B3GALT1: variants seen among roughly 807,000 people sequenced by gnomAD.
The protein encoded by B3GALT1 is beta-1,3-galactosyltransferase 1.
Under a neutral mutation model 23.2 loss-of-function variants are expected in B3GALT1, and 10 were observed. The observed-to-expected ratio is 0.43, with a 90% CI of 0.27 to 0.73. The LOEUF is 0.73. Among genes scored for constraint, B3GALT1 ranks in the 30% least tolerant of loss-of-function variants. The pLI is 0.21. For missense variants in B3GALT1, 299 were observed against 405.4 expected (o/e 0.74, Z 2.25); for synonymous variants, 156 against 141.5 (o/e 1.10, Z -0.73).
chr2:167,825,283 CAAAAAAAA>C (rs71963760), intron 4 of B3GALT1, among the ~76,000 whole-genome samples: 1 of 82,240 alleles, frequency 1.2e-5, no homozygotes, highest in Admixed American at 1.3e-4. Flanking sequence ...GACTCCGTCT[CAAAAAAAA>C]AAAAAAAACA....
intron 1 of B3GALT1, among the ~76,000 whole-genome samples, chr2:167,443,680 G>T (rs1008256556): frequency 2.0e-5 from 3 of 152,136 alleles, no homozygotes; most frequent in Non-Finnish European, 4.4e-5. Flanking sequence ...TCTGTTATGG[G>T]TATATAGGAA....
intron 3 of B3GALT1, among the ~76,000 whole-genome samples, chr2:167,669,030 C>T (rs937205072): frequency 2.6e-5 from 4 of 152,076 alleles, no homozygotes; most frequent in African/African-American, 9.7e-5. Flanking sequence ...GTTGCTGTCC[C>T]CCTCCCTCCC....
At chr2:167,512,588 A>ATGTGTG (rs1306665849) in intron 2 of B3GALT1, among the ~76,000 whole-genome samples, 2 of 90,394 alleles carry the variant, frequency 2.2e-5, no homozygotes, top group Non-Finnish European at 4.2e-5. Flanking sequence ...ATGTATATAT[A>ATGTGTG]TATGTGTATA....
At chr2:167,680,149 A>G (rs1403138362) in intron 3 of B3GALT1, among the ~76,000 whole-genome samples, 3 of 152,206 alleles carry the variant, frequency 2.0e-5, no homozygotes, top group Non-Finnish European at 4.4e-5. Flanking sequence ...CTTCTGATGT[A>G]GGATTAGTTC....
intron 2 of B3GALT1, among the ~76,000 whole-genome samples, chr2:167,542,051 CT>C (rs1683541630): frequency 6.6e-6 from 1 of 152,120 alleles, no homozygotes; most frequent in Admixed American, 6.5e-5. Context: ...CCTTCTGAAC[CT>C]ATTTATTTAT....
intron 1 of B3GALT1, among the ~76,000 whole-genome samples, chr2:167,346,016 T>C (rs1169329704): frequency 1.3e-5 from 2 of 151,026 alleles, no homozygotes; most frequent in Non-Finnish European, 2.9e-5. Context: ...TCATCTTATC[T>C]AGATACTTAT....
chr2:167,824,042 C>T (rs1689162975), intron 4 of B3GALT1, among the ~76,000 whole-genome samples: 1 of 152,308 alleles, frequency 6.6e-6, no homozygotes, highest in East Asian at 1.9e-4. Context: ...ACAGTTTCCT[C>T]TGGAAATGAC....
chr2:167,370,692 C>T (rs924789929), intron 1 of B3GALT1, among the ~76,000 whole-genome samples: 1 of 152,102 alleles, frequency 6.6e-6, no homozygotes, highest in South Asian at 2.1e-4. Flanking sequence ...ATTAGTAGGC[C>T]GAGGTGGGTG....
At chr2:167,383,795 G>T (rs948919491) in intron 1 of B3GALT1, among the ~76,000 whole-genome samples, 4 of 152,140 alleles carry the variant, frequency 2.6e-5, no homozygotes, top group African/African-American at 9.7e-5. Context: ...CCTCACAGCC[G>T]TTTGCAATAT....
chr2:167,512,624 G>GTATATA (rs202089193), intron 2 of B3GALT1, among the ~76,000 whole-genome samples: 2 of 49,666 alleles, frequency 4.0e-5, no homozygotes, highest in Non-Finnish European at 6.3e-5. Context: ...ATATATACGT[G>GTATATA]TATATATATA....
intron 3 of B3GALT1, among the ~76,000 whole-genome samples, chr2:167,725,597 G>A (rs749153751): frequency 3.3e-5 from 5 of 152,144 alleles, no homozygotes; most frequent in African/African-American, 7.2e-5. Context: ...AAGGGTACAC[G>A]GAAAGTAGGG....
rs1448838 is a variant in B3GALT1, at chr2:167,648,772, C to A, written c.-352+1806C>A. On this transcript the variant is annotated intron_variant, in intron 3 of 4. Transcript: ENST00000392690. ...TATGGGAACTATTTCATCCGGTAGC[C>A]CCCATTTAATTGCTTTGCCTCATAC... Among the ~76,000 whole-genome samples, 9 of 151,914 alleles carry A rather than the reference C, an allele frequency of 5.9e-5. No individual in the cohort carries two copies. In the South Asian group the frequency reaches 6.2e-4, roughly 11 times the overall value.
intron 4 of B3GALT1, among the ~76,000 whole-genome samples, chr2:167,838,360 A>T: frequency 6.6e-6 from 1 of 152,298 alleles, no homozygotes; most frequent in Non-Finnish European, 1.5e-5. Flanking sequence ...CACCGATCCC[A>T]CAGAAATACA....
chr2:167,762,352 G>C (rs867857507), intron 3 of B3GALT1, among the ~76,000 whole-genome samples: 5 of 152,176 alleles, frequency 3.3e-5, no homozygotes, highest in African/African-American at 1.2e-4. Context: ...TACTCTGATT[G>C]CTTTGTAATT....
chr2:167,598,596 TA>T (rs1410087451), intron 2 of B3GALT1, among the ~76,000 whole-genome samples: 8 of 152,182 alleles, frequency 5.3e-5, no homozygotes, highest in African/African-American at 1.9e-4. Flanking sequence ...GGCTCAAGTA[TA>T]ATTAACTTAG....
chr2:167,305,277 A>G (rs1275298233), intron 1 of B3GALT1, among the ~76,000 whole-genome samples: 1 of 152,300 alleles, frequency 6.6e-6, no homozygotes, highest in African/African-American at 2.4e-5. Flanking sequence ...ATTTTTAAAC[A>G]CAGCAATCTT....
chr2:167,508,186 TAC>T (rs538525121), intron 2 of B3GALT1, among the ~76,000 whole-genome samples: 199 of 152,284 alleles, frequency 1.3e-3, no homozygotes, highest in Non-Finnish European at 2.3e-3. Context: ...GCGGACATAA[TAC>T]ATTCAATCCA....
chr2:167,451,101 A>G (rs1291030110), intron 1 of B3GALT1, among the ~76,000 whole-genome samples: 1 of 151,554 alleles, frequency 6.6e-6, no homozygotes, highest in African/African-American at 2.4e-5. Context: ...TTTCTTGTAT[A>G]TATGTATTTT....
At chr2:167,302,142 G>C (rs561191221) in intron 1 of B3GALT1, among the ~76,000 whole-genome samples, 131 of 152,016 alleles carry the variant, frequency 8.6e-4, no homozygotes, top group African/African-American at 3.1e-3. Context: ...ATTGGAAAAT[G>C]GTGATGAAAT....
Sources: allele counts gnomAD v4.1 joint callset (sites outside exome capture counted in the v4.1 genomes callset), GRCh38; gene constraint gnomAD v4.1.1; transcripts MANE v1.5; gene names NCBI Gene and HGNC (gene_info 2026-07-23, HGNC 2026-07-21).